Variants in CHST3 observed in about 807,000 individuals in gnomAD.
The protein encoded by CHST3 is C6ST-1.
CHST3 carries 20 observed loss-of-function variants against 35.4 expected under a neutral mutation model. That is an observed-to-expected ratio of 0.57 (90% CI 0.40 to 0.82). The LOEUF is 0.82. Among genes scored for constraint, CHST3 ranks in the 40% least tolerant of loss-of-function variants. CHST3 has a pLI of 0.00. For missense variants in CHST3, 693 were observed against 670.1 expected (o/e 1.03, Z -0.38); for synonymous variants, 334 against 295.9 (o/e 1.13, Z -1.32).
chr10:71,993,540 C>T (rs1029977355), intron 1 of CHST3, among the ~76,000 whole-genome samples: 1 of 152,220 alleles, frequency 6.6e-6, no homozygotes, highest in Non-Finnish European at 1.5e-5. Flanking sequence ...CACCTCCTCT[C>T]CTGAGTCACA....
chr10:71,983,776 A>C (rs1170228399), intron 1 of CHST3, among the ~76,000 whole-genome samples: 1 of 152,024 alleles, frequency 6.6e-6, no homozygotes, highest in Non-Finnish European at 1.5e-5. Flanking sequence ...TTTTAGAGTA[A>C]AAGTATGAAA....
At chr10:71,981,636 G>A (rs1839802352) in intron 1 of CHST3, among the ~76,000 whole-genome samples, 9 of 152,230 alleles carry the variant, frequency 5.9e-5, no homozygotes, top group Admixed American at 5.9e-4. Flanking sequence ...AGGCCCTGGT[G>A]CAGCAGGGAG....
At position 72,008,270 on chromosome 10, in the gene CHST3, C is replaced by T. The variant is rs547960656; in HGVS notation, c.1239C>T (p.Gly413=). ...CGCAGGCGGCCCACGACGGCAGCGG[C>T]ATCTACTCCACGCAGAAGAACTCCT... is the stretch of plus-strand genomic sequence containing the variant. The part of the protein sequence containing the change: ...KNTQAAHDGS[G]IYSTQKNSSE... Residue 413 remains glycine, a synonymous_variant, in exon 3 of 3, where the codon GGC becomes GGT. Transcript: ENST00000373115. The T allele has an allele frequency of 1.3e-6, 2 of 1,583,630 alleles. No individual in the cohort carries two copies. Among genetic ancestry groups the T allele is most frequent in the African/African-American group, 1.3e-5 (1 of 74,382 alleles).
chr10:72,007,886 G>GCTGGC lies in CHST3; in HGVS notation c.857_861dup (p.Glu288TrpfsTer48), dbSNP rs1840061275. ...TCCGGCAGCTGGAGTTCCTGCAGCC[G>GCTGGC]CTGGCCGAGGACCCCCGCCTGGACC... On this transcript the variant is annotated frameshift_variant, in exon 3 of 3. Coordinates refer to ENST00000373115, the MANE Select transcript of CHST3 (RefSeq NM_004273.5). LOFTEE classifies it high-confidence loss of function. The GCTGGC allele has an allele frequency of 6.3e-7, 1 of 1,585,006 alleles. No individual in the cohort carries two copies. Among genetic ancestry groups the GCTGGC allele is most frequent in the African/African-American group, 1.3e-5 (1 of 74,298 alleles).
At chr10:72,003,816 G>A (rs1840014570) in intron 1 of CHST3, among the ~76,000 whole-genome samples, 1 of 152,166 alleles carries the variant, frequency 6.6e-6, no homozygotes, top group South Asian at 2.1e-4. Flanking sequence ...TACTCCGGAG[G>A]CTGAGGAGGG....
At chr10:71,995,986 A>G (rs1361107886) in intron 1 of CHST3, among the ~76,000 whole-genome samples, 1 of 152,234 alleles carries the variant, frequency 6.6e-6, no homozygotes, top group African/African-American at 2.4e-5. Flanking sequence ...AAAACACAGT[A>G]TCTGTGAAGC....
chr10:71,988,027 A>G (rs553526983), intron 1 of CHST3, among the ~76,000 whole-genome samples: 2 of 152,340 alleles, frequency 1.3e-5, no homozygotes, highest in South Asian at 2.1e-4. Context: ...CACAGCTTCC[A>G]TGGGCTTCTC....
intron 1 of CHST3, among the ~76,000 whole-genome samples, chr10:71,992,116 G>A (rs1365630538): frequency 6.6e-6 from 1 of 152,124 alleles, no homozygotes; most frequent in Non-Finnish European, 1.5e-5. Context: ...AATGTTGATG[G>A]CTGCTGACTA....
chr10:71,979,375 G>C (rs1488114266), intron 1 of CHST3, among the ~76,000 whole-genome samples: 1 of 152,088 alleles, frequency 6.6e-6, no homozygotes, highest in African/African-American at 2.4e-5. Context: ...ACGGAGTCTC[G>C]GGAGGGGGGT....
intron 1 of CHST3, among the ~76,000 whole-genome samples, chr10:71,995,421 CAAAA>C (rs35954993): frequency 1.6e-4 from 19 of 120,194 alleles, no homozygotes; most frequent in South Asian, 2.9e-4. Context: ...GAGTCTGTCT[CAAAA>C]AAAAAAAAAA....
Position 72,007,448 on chromosome 10 carries a change from C to T in CHST3, c.417C>T (p.Ala139=), listed in dbSNP as rs144287889. The T allele has an allele frequency of 1.0e-3, 1,599 of 1,603,254 alleles. 11 individuals carry two copies. The African/African-American group carries it at 0.017, about 17-fold the overall frequency. ...AGPRRHVLLM[A]TTRTGSSFVG... ...CCCGGCGCCACGTGCTGCTCATGGC[C>T]ACCACGCGCACCGGCTCCTCGTTCG... Residue 139 remains alanine (A), a synonymous_variant, in exon 3 of 3, where the codon GCC becomes GCT. Transcript: ENST00000373115.
At position 72,000,126 on chromosome 10, in the gene CHST3, G is replaced by C. The variant is rs189883325; in HGVS notation, c.-107-5610G>C. Among the ~76,000 whole-genome samples the C allele has an allele frequency of 5.9e-5, 9 of 152,288 alleles. No homozygotes were observed. In the East Asian group the frequency reaches 7.7e-4, roughly 13 times the overall value. ...TCATGCTCACAGCCACTCATGTATGGAGCAATTGCCTTTTTTTCTTCCTCT... is the reference window on the plus strand; with the variant it reads ...TCATGCTCACAGCCACTCATGTATGCAGCAATTGCCTTTTTTTCTTCCTCT... On this transcript the variant is annotated intron_variant, in intron 1 of 2. Transcript: ENST00000373115.
At chr10:71,996,426 C>T (rs924629399) in intron 1 of CHST3, among the ~76,000 whole-genome samples, 2 of 87,692 alleles carry the variant, frequency 2.3e-5, no homozygotes, top group African/African-American at 1.9e-4. Flanking sequence ...TCTCTACCAA[C>T]CCCCCCCCAA....
rs150965438 is a variant in CHST3, at chr10:72,007,562, G to C, written c.531G>C (p.Gly177=). Residue 177 remains glycine (G), a synonymous_variant, in exon 3 of 3, where the codon GGG becomes GGC. Coordinates refer to ENST00000373115, the MANE Select transcript of CHST3 (RefSeq NM_004273.5). The stretch of plus-strand genomic sequence containing the variant: ...AGCGCACAGTGTCCTTCGAGCCGGG[G>C]GGCGCCAACGCCGCGGGCTCGGCCC... ...HIERTVSFEP[G]GANAAGSALV... 1 of 1,607,270 alleles carries C rather than the reference G, an allele frequency of 6.2e-7. No homozygotes were observed. The highest frequency in any genetic ancestry group is 1.3e-5 in the African/African-American group (1 of 74,942).
chr10:72,007,146 G>T, intron 2 of CHST3, 26 bp from the exon 3 acceptor site: 1 of 1,612,506 alleles, frequency 6.2e-7, no homozygotes, highest in South Asian at 1.1e-5. Flanking sequence ...GTCAGCCACT[G>T]ACCCTGATCT....
intron 1 of CHST3, among the ~76,000 whole-genome samples, chr10:71,974,576 G>C (rs1022455926): frequency 2.0e-5 from 3 of 152,202 alleles, no homozygotes; most frequent in Non-Finnish European, 4.4e-5. Context: ...GAGATGCCAG[G>C]CGGGCCTGGA....
At chr10:72,002,462 C>T (rs1416119298) in intron 1 of CHST3, among the ~76,000 whole-genome samples, 2 of 152,228 alleles carry the variant, frequency 1.3e-5, no homozygotes, top group African/African-American at 4.8e-5. Context: ...ATTTCACAAG[C>T]ATTTACCATG....
intron 1 of CHST3, among the ~76,000 whole-genome samples, chr10:71,974,659 G>C (rs1446935138): frequency 6.6e-6 from 1 of 152,146 alleles, no homozygotes; most frequent in African/African-American, 2.4e-5. Flanking sequence ...GAGTCATTTG[G>C]GGAAAACATG....
At chr10:71,966,678 A>G (rs765757059) in intron 1 of CHST3, among the ~76,000 whole-genome samples, 3 of 152,186 alleles carry the variant, frequency 2.0e-5, no homozygotes, top group Non-Finnish European at 2.9e-5. Context: ...TTCCTTCCCT[A>G]TATCACCTTT....
Sources: gnomAD v4.1 joint callset for allele counts (sites outside exome capture counted in the v4.1 genomes callset) on GRCh38, gnomAD v4.1.1 for gene constraint, MANE v1.5 for transcripts, NCBI Gene and HGNC (gene_info 2026-07-23, HGNC 2026-07-21) for gene names.